RALYL: variants seen among roughly 807,000 people sequenced by gnomAD.
The protein encoded by RALYL is RALY RNA binding protein like, also known as RNA-binding Raly-like protein.
RALYL carries 29 observed loss-of-function variants against 35.1 expected under a neutral mutation model. The observed-to-expected ratio is 0.83, with a 90% CI of 0.61 to 1.13. The LOEUF (loss-of-function observed/expected upper bound fraction) is 1.13. RALYL is among the 50% of genes most tolerant of loss of function. The pLI, the probability that RALYL is intolerant of heterozygous loss-of-function variation, is 0.00. For synonymous variants in RALYL, 120 were observed against 127.6 expected (o/e 0.94, Z 0.40); for missense variants, 359 against 360.4 (o/e 1.00, Z 0.03).
At chr8:84,379,713 G>A (rs576295444) in intron 1 of RALYL, among the ~76,000 whole-genome samples, 18 of 151,594 alleles carry the variant, frequency 1.2e-4, no homozygotes, top group Non-Finnish European at 2.7e-4. Context: ...AAATGTAAAA[G>A]CATCCAAACA....
intron 4 of RALYL, among the ~76,000 whole-genome samples, chr8:84,806,875 T>C (rs771152582): frequency 1.3e-5 from 2 of 152,022 alleles, no homozygotes; most frequent in Non-Finnish European, 2.9e-5. Context: ...TAGCTGGCCG[T>C]GGTGCCGTGC....
At chr8:84,275,956 T>A (rs564386328) in intron 1 of RALYL, among the ~76,000 whole-genome samples, 37 of 152,108 alleles carry the variant, frequency 2.4e-4, no homozygotes, top group Admixed American at 6.6e-4. Flanking sequence ...AACTAATTTT[T>A]AAAAAAAATA....
intron 4 of RALYL, among the ~76,000 whole-genome samples, chr8:84,810,746 C>G (rs1471043469): frequency 6.6e-6 from 1 of 152,168 alleles, no homozygotes; most frequent in Non-Finnish European, 1.5e-5. Flanking sequence ...TAATGTCCCT[C>G]TTTGTCTCTT....
chr8:84,407,650 T>C (rs2043676031), intron 1 of RALYL, among the ~76,000 whole-genome samples: 1 of 152,010 alleles, frequency 6.6e-6, no homozygotes, highest in Admixed American at 6.6e-5. Flanking sequence ...GATAGATGGG[T>C]TTGAGGAAAA....
chr8:84,510,316 C>T (rs2057506117), intron 1 of RALYL, among the ~76,000 whole-genome samples: 1 of 152,140 alleles, frequency 6.6e-6, no homozygotes, highest in African/African-American at 2.4e-5. Flanking sequence ...AATTTCAACT[C>T]CTCTGCACTG....
intron 1 of RALYL, among the ~76,000 whole-genome samples, chr8:84,213,251 C>T (rs549666545): frequency 1.3e-5 from 2 of 151,974 alleles, no homozygotes; most frequent in Non-Finnish European, 2.9e-5. Context: ...ATTAGCTAGG[C>T]ATGGTGGCAA....
intron 1 of RALYL, among the ~76,000 whole-genome samples, chr8:84,333,503 T>C (rs960286834): frequency 1.3e-5 from 2 of 152,196 alleles, no homozygotes; most frequent in Non-Finnish European, 2.9e-5. Context: ...ACAGTCTTTT[T>C]GCTTTGATTT....
chr8:84,244,849 T>C (rs6473536), intron 1 of RALYL, among the ~76,000 whole-genome samples: 70,620 of 151,954 alleles, frequency 0.46, 16,579 homozygotes, highest in East Asian at 0.53. Context: ...CTTGTGAAGA[T>C]GGTGAAGGGT....
chr8:84,222,549 G>C (rs1822503193), intron 1 of RALYL, among the ~76,000 whole-genome samples: 1 of 152,294 alleles, frequency 6.6e-6, no homozygotes, highest in East Asian at 1.9e-4. Context: ...TTAAATTAGA[G>C]TGGAGAATAT....
chr8:84,450,513 T>A (rs2049347805), intron 1 of RALYL, among the ~76,000 whole-genome samples: 1 of 151,956 alleles, frequency 6.6e-6, no homozygotes, highest in Non-Finnish European at 1.5e-5. Context: ...TTATGCCTGC[T>A]ACTAGATAAT....
At chr8:84,352,462 C>A (rs1851079991) in intron 1 of RALYL, among the ~76,000 whole-genome samples, 1 of 150,308 alleles carries the variant, frequency 6.7e-6, no homozygotes, top group Non-Finnish European at 1.5e-5. Context: ...ATTTGTTATG[C>A]TTTTGTAATA....
chr8:84,456,680 A>G (rs2050176352), intron 1 of RALYL, among the ~76,000 whole-genome samples: 1 of 152,066 alleles, frequency 6.6e-6, no homozygotes, highest in African/African-American at 2.4e-5. Flanking sequence ...ACAAAAGAAT[A>G]AGATACATTC....
At chr8:84,761,101 T>G (rs927790577) in intron 2 of RALYL, among the ~76,000 whole-genome samples, 1 of 152,094 alleles carries the variant, frequency 6.6e-6, no homozygotes, top group Non-Finnish European at 1.5e-5. Flanking sequence ...ATAGGGAATC[T>G]CTTCCATTTA....
intron 4 of RALYL, among the ~76,000 whole-genome samples, chr8:84,810,461 C>A (rs1162242521): frequency 2.0e-5 from 3 of 152,078 alleles, no homozygotes; most frequent in African/African-American, 4.8e-5. Flanking sequence ...GTGTATTCTA[C>A]AGTTGTTGGA....
intron 1 of RALYL, among the ~76,000 whole-genome samples, chr8:84,242,205 G>C (rs762699104): frequency 6.6e-6 from 1 of 152,142 alleles, no homozygotes; most frequent in African/African-American, 2.4e-5. Context: ...TGGCTGCATA[G>C]TATTCCATAG....
intron 1 of RALYL, among the ~76,000 whole-genome samples, chr8:84,295,761 A>G (rs1489760892): frequency 3.3e-5 from 5 of 152,126 alleles, no homozygotes; most frequent in African/African-American, 1.2e-4. Context: ...TCATAATCAC[A>G]TTTTATGTGA....
At chr8:84,720,703 AT>A (rs1423866699) in intron 2 of RALYL, among the ~76,000 whole-genome samples, 1 of 152,160 alleles carries the variant, frequency 6.6e-6, no homozygotes, top group East Asian at 1.9e-4. Context: ...TGAAGAGAAA[AT>A]CTACAGAATG....
chr8:84,807,522 G>A (rs939649286), intron 4 of RALYL, among the ~76,000 whole-genome samples: 1 of 152,114 alleles, frequency 6.6e-6, no homozygotes, highest in Non-Finnish European at 1.5e-5. Context: ...TTTCCTCTGG[G>A]TGGATACCCA....
intron 2 of RALYL, among the ~76,000 whole-genome samples, chr8:84,755,467 A>T (rs1293369459): frequency 6.6e-6 from 1 of 152,194 alleles, no homozygotes; most frequent in African/African-American, 2.4e-5. Context: ...GTACCCACAT[A>T]TTCAACAAAC....
Sources: allele counts gnomAD v4.1 joint callset (sites outside exome capture counted in the v4.1 genomes callset), GRCh38; gene constraint gnomAD v4.1.1; transcripts MANE v1.5; gene names NCBI Gene and HGNC (gene_info 2026-07-23, HGNC 2026-07-21).